Variants in TBL2 observed in about 807,000 individuals in gnomAD.
TBL2 encodes transducin beta-like protein 2.
In TBL2, 33 loss-of-function variants were observed where a neutral mutation model predicts 41.8. That is an observed-to-expected ratio of 0.79 (90% confidence interval 0.60 to 1.06). The LOEUF (loss-of-function observed/expected upper bound fraction) is 1.06, where lower values mean the gene tolerates loss of function less well. Among genes scored for constraint, TBL2 ranks in the 50% least tolerant of loss-of-function variants. The probability of loss-of-function intolerance (pLI) is 0.00; values close to 1 mark genes in which losing one functional copy is unlikely to be tolerated. For synonymous variants in TBL2, 239 were observed against 241.7 expected, an observed-to-expected ratio of 0.99 and a Z score of 0.10; for missense variants, 522 against 603.8, an observed-to-expected ratio of 0.86 and a Z score of 1.42.
intron 6 of TBL2, 49 bp from the exon 7 acceptor site, chr7:73,571,021 T>C: frequency 6.4e-7 from 1 of 1,569,240 alleles, no homozygotes; most frequent in East Asian, 2.2e-5. Flanking sequence ...CCTGGCAGGG[T>C]AAGCACTGGC....
chr7:73,572,094 G>C (rs565947643), intron 5 of TBL2: 2 of 155,462 alleles, frequency 1.3e-5, no homozygotes, highest in South Asian at 3.6e-4. Flanking sequence ...CAACAAAAAA[G>C]TTCTTTTATG....
rs1554588338 is a variant in TBL2, at chr7:73,574,027, G to C, written c.357C>G (p.Thr119=). The change falls in exon 3 of 7, where the codon ACC becomes ACG. Residue 119 remains threonine, a synonymous_variant. Transcript: ENST00000305632. ...ADDRTIRIWS[T]KDFLQREHRS... ...GGTGCTCTCGCTGCAGGAAGTCCTT[G>C]GTGCTCCAGATGCGGATGGTGCGAT... is the stretch of plus-strand genomic sequence containing the variant. 1.9e-6 allele frequency: 3 copies of C among 1,614,074 alleles called. No homozygotes were observed. Among genetic ancestry groups the C allele is most frequent in the Non-Finnish European group, 2.5e-6 (3 of 1,180,048 alleles).
In TBL2 at chr7:73,570,898, G is replaced by A; in HGVS notation, c.953C>T (p.Pro318Leu). Residue 318 changes from proline to leucine, a missense_variant, in exon 7 of 7, where the codon CCC becomes CTC. Coordinates refer to ENST00000305632, the MANE Select transcript of TBL2 (RefSeq NM_012453.4). ...TDVEYKKKQD[P>L]YLLKTGRFEE... ...AAAGCGGCCTGTCTTCAGCAAGTAG[G>A]GGTCCTGCTTCTTCTTGTATTCCAC... 6.2e-7 allele frequency: 1 copy of A among 1,613,868 alleles called. No individual in the cohort carries two copies. Among genetic ancestry groups the A allele is most frequent in the South Asian group, 1.1e-5 (1 of 91,050 alleles).
chr7:73,569,324 GTC>G lies in TBL2; in HGVS notation c.*1181_*1182del, dbSNP rs1377222583. 6.6e-6 allele frequency: 1 copy of G among 152,112 alleles called. No homozygotes were observed. Among genetic ancestry groups the G allele is most frequent in the African/African-American group, 2.4e-5 (1 of 41,418 alleles). 9.4% of individuals were successfully genotyped at this position (152,112 alleles called of 1,614,324 possible). The stretch of plus-strand genomic sequence containing the variant: ...TTGTGGCTTGTTCCAACATTGAGAG[GTC>G]AGGGGCAACCAGGGGGGGTCATAGT... On this transcript the variant is annotated 3_prime_UTR_variant, in exon 7 of 7. Coordinates refer to ENST00000305632, the MANE Select transcript of TBL2 (RefSeq NM_012453.4).
chr7:73,572,920 G>C lies in TBL2; in HGVS notation c.649C>G (p.Leu217Val). ...SSDTTVLIWSLKGQVLSTINT... is the reference protein window; with the variant it reads ...SSDTTVLIWSVKGQVLSTINT... ...ATGGTAGACAGCACTTGACCCTTCA[G>C]GCTCCAGATGAGGACAGTGGTGTCA... is the stretch of plus-strand genomic sequence containing the variant. Residue 217 changes from leucine (L) to valine (V), a missense_variant, in exon 5 of 7, where the codon CTG becomes GTG. By Grantham distance (32) the Leu-to-Val change is conservative. Coordinates refer to ENST00000305632, the MANE Select transcript of TBL2 (RefSeq NM_012453.4). The C allele has an allele frequency of 6.2e-7, 1 of 1,614,200 alleles. No homozygotes were observed. Among genetic ancestry groups the C allele is most frequent in the Middle Eastern group, 1.6e-4 (1 of 6,062 alleles).
chr7:73,568,876 G>C lies in TBL2; in HGVS notation c.*1631C>G, dbSNP rs1047477849. 1 of 152,148 alleles carries C rather than the reference G, an allele frequency of 6.6e-6. No homozygotes were observed. The highest frequency in any genetic ancestry group is 1.5e-5 in the Non-Finnish European group (1 of 68,038). 9.4% of individuals were successfully genotyped at this position (152,148 alleles called of 1,614,324 possible). A position where few individuals can be genotyped will look rare whatever the true frequency, so the allele number is the denominator to read the frequency against. On this transcript the variant is annotated 3_prime_UTR_variant, in exon 7 of 7. Transcript: ENST00000305632. ...TAGGAGGCGGCGGTTGCAGTGAGCC[G>C]AGATTGCGCCATTGTACTCCAGCCT...
At chr7:73,575,275 A>C (rs1315311035) in intron 1 of TBL2, among the ~76,000 whole-genome samples, 80 of 143,896 alleles carry the variant, frequency 5.6e-4, no homozygotes, top group Non-Finnish European at 6.9e-4. Context: ...ATGGGCGTGC[A>C]CCACCATATC....
Position 73,570,939 on chromosome 7 carries a change from T to A in TBL2, c.912A>T (p.Lys304Asn). Residue 304 changes from lysine to asparagine, a missense_variant, in exon 7 of 7, where the codon AAA (lysine) becomes AAT (asparagine). Lys to Asn is a moderately conservative substitution (Grantham distance 94). Transcript: ENST00000305632. ...TGTATTCCACATCTGTGTCCCACAG[T>A]TTCCATGTACCATCCTTGGAGACAG... ...MASVSKDGTW[K>N]LWDTDVEYKK... is the part of the protein sequence containing the mutation. 1.2e-6 allele frequency: 2 copies of A among 1,611,346 alleles called. No individual in the cohort carries two copies. Among genetic ancestry groups the A allele is most frequent in the Non-Finnish European group, 1.7e-6 (2 of 1,178,600 alleles).
At chr7:73,578,045 A>G (rs536443318) in intron 1 of TBL2, 5 of 538,368 alleles carry the variant, frequency 9.3e-6, no homozygotes, top group Non-Finnish European at 1.6e-5. Flanking sequence ...CCCAAAGCCT[A>G]TCACAGGGTC....
intron 1 of TBL2, among the ~76,000 whole-genome samples, chr7:73,576,215 T>G (rs1298453688): frequency 4.6e-5 from 7 of 150,752 alleles, no homozygotes; most frequent in African/African-American, 7.3e-5. Context: ...CATTTTTTTT[T>G]TTTGTTTGAT....
chr7:73,570,799 C>A lies in TBL2; in HGVS notation c.1052G>T (p.Gly351Val). 6.2e-7 allele frequency: 1 copy of A among 1,614,082 alleles called. No homozygotes were observed. The highest frequency in any genetic ancestry group is 8.5e-7 in the Non-Finnish European group (1 of 1,180,044). ...GGTATTGTAGAGATGAATACTACTG[C>A]CACTGGCCAAGGCCAAGACCTGGGC... ...PNAQVLALAS[G>V]SSIHLYNTRR... Residue 351 changes from glycine (G) to valine (V), a missense_variant, in exon 7 of 7, where the codon GGC becomes GTC. Coordinates refer to ENST00000305632, the MANE Select transcript of TBL2 (RefSeq NM_012453.4).
At position 73,571,199 on chromosome 7, in the gene TBL2, C is replaced by T. The variant is rs1792923009; in HGVS notation, c.868G>A (p.Asp290Asn). ...AGCGGATTCACTCACCTCCGTGAGT[C>T]GTTGGAGAAAGCAAACGAGTGCACA... ...AAVHSFAFSN[D>N]SRRMASVSKD... Residue 290 changes from aspartate to asparagine, a missense_variant, in exon 6 of 7, where the codon GAC (aspartate) becomes AAC (asparagine). Asp to Asn is a conservative substitution (Grantham distance 23). Coordinates refer to ENST00000305632, the MANE Select transcript of TBL2 (RefSeq NM_012453.4). The T allele has an allele frequency of 1.9e-6, 3 of 1,614,214 alleles. No homozygotes were observed. Among genetic ancestry groups the T allele is most frequent in the South Asian group, 1.1e-5 (1 of 91,078 alleles).
rs1554589592 is a variant in TBL2, at chr7:73,578,572, C to G, written c.-23G>C. On this transcript the variant is annotated 5_prime_UTR_variant, in exon 1 of 7. Coordinates refer to ENST00000305632, the MANE Select transcript of TBL2 (RefSeq NM_012453.4). ...CATGTTGGTGGAACCACTGCCACCT[C>G]AGCTAGTGAGTACGCGGGCGCCCGC... is the stretch of plus-strand genomic sequence containing the variant. The G allele has an allele frequency of 6.3e-7, 1 of 1,580,414 alleles. No individual in the cohort carries two copies. Among genetic ancestry groups the G allele is most frequent in the Non-Finnish European group, 8.6e-7 (1 of 1,166,096 alleles).
chr7:73,576,899 C>T (rs1793357606), intron 1 of TBL2, among the ~76,000 whole-genome samples: 1 of 152,064 alleles, frequency 6.6e-6, no homozygotes, highest in Non-Finnish European at 1.5e-5. Flanking sequence ...CTTTGAGACC[C>T]CACACTACCT....
rs1554587970 is a variant in TBL2 at position 73,572,877 on chromosome 7, T to TTCATCTGG, written c.684_691dup (p.Asn231ThrfsTer3). 1 of 1,614,158 alleles carries TTCATCTGG rather than the reference T, an allele frequency of 6.2e-7. No homozygotes were observed. Among genetic ancestry groups the TTCATCTGG allele is most frequent in the Non-Finnish European group, 8.5e-7 (1 of 1,180,024 alleles). On this transcript the variant is annotated stop_gained and frameshift_variant, in exon 5 of 7. Transcript: ENST00000305632. LOFTEE classifies it high-confidence loss of function. ...GGGAGATACAGCAGCGTGTGTGTTG[T>TTCATCTGG]TCATCTGGTTGGTGTTGATGGTAGA...
In TBL2 at chr7:73,572,920, G is replaced by A. The variant is rs17850986; in HGVS notation, c.649C>T (p.Leu217=). ...ATGGTAGACAGCACTTGACCCTTCA[G>A]GCTCCAGATGAGGACAGTGGTGTCA... The part of the protein sequence containing the change: ...SSDTTVLIWS[L]KGQVLSTINT... The change falls in exon 5 of 7, where the codon CTG becomes TTG. Residue 217 remains leucine (L), a synonymous_variant. Transcript: ENST00000305632. 6.2e-7 allele frequency: 1 copy of A among 1,614,200 alleles called. No homozygotes were observed. Among genetic ancestry groups the A allele is most frequent in the Non-Finnish European group, 8.5e-7 (1 of 1,180,036 alleles).
At position 73,570,370 on chromosome 7, in the gene TBL2, G is replaced by C; in HGVS notation, c.*137C>G. On this transcript the variant is annotated 3_prime_UTR_variant, in exon 7 of 7. Coordinates refer to ENST00000305632, the MANE Select transcript of TBL2 (RefSeq NM_012453.4). ...CTAAGTAGACAAGAGTAGTTTCAAT[G>C]GGAAGAAGCAGGGCCACCAGTAAGA... 1 of 1,379,050 alleles carries C rather than the reference G, an allele frequency of 7.3e-7. No homozygotes were observed. The highest frequency in any genetic ancestry group is 1.5e-5 in the African/African-American group (1 of 68,632). The allele number at this position is 1,379,050 out of a possible 1,614,324, so 85.4% of individuals were successfully genotyped here.
intron 1 of TBL2, chr7:73,576,722 A>C (rs564605821): frequency 4.1e-4 from 185 of 456,446 alleles, no homozygotes; most frequent in Non-Finnish European, 7.4e-4. Flanking sequence ...ACACAGCCAC[A>C]ATCTGTCCTC....
chr7:73,578,377 CG>C, intron 1 of TBL2, 42 bp downstream of exon 1: 1 of 1,521,274 alleles, frequency 6.6e-7, no homozygotes, highest in Non-Finnish European at 8.8e-7. Flanking sequence ...GGCCGGGAGC[CG>C]GGACACCGCG....
Sources: allele counts gnomAD v4.1 joint callset (sites outside exome capture counted in the v4.1 genomes callset), GRCh38; gene constraint gnomAD v4.1.1; transcripts MANE v1.5; gene names NCBI Gene and HGNC (gene_info 2026-07-23, HGNC 2026-07-21).